CLEC16A: variants seen among roughly 807,000 people sequenced by gnomAD.
CLEC16A encodes the protein protein CLEC16A.
A neutral mutation model predicts 109.5 loss-of-function variants in CLEC16A; 51 were observed. The ratio of observed to expected loss-of-function variants is 0.47; its 90% CI spans 0.37 to 0.59. The LOEUF (loss-of-function observed/expected upper bound fraction) is 0.59. Among genes scored for constraint, CLEC16A ranks in the 20% least tolerant of loss-of-function variants. CLEC16A has a pLI of 0.00. For missense variants in CLEC16A, 1,339 were observed against 1,394.0 expected, an observed-to-expected ratio of 0.96 and a Z score of 0.63; for synonymous variants, 673 against 564.2, an observed-to-expected ratio of 1.19 and a Z score of -2.73.
At chr16:10,949,068 C>G (rs1329492856) in intron 1 of CLEC16A, among the ~76,000 whole-genome samples, 1 of 152,096 alleles carries the variant, frequency 6.6e-6, no homozygotes. Flanking sequence ...TCCACTCAAG[C>G]TAGTGGAAAA....
At chr16:10,976,266 T>A (rs767446568) in intron 7 of CLEC16A, among the ~76,000 whole-genome samples, 1 of 151,422 alleles carries the variant, frequency 6.6e-6, no homozygotes, top group Non-Finnish European at 1.5e-5. Context: ...CAAGACCCTA[T>A]CTCAAAAAAT....
intron 19 of CLEC16A, among the ~76,000 whole-genome samples, chr16:11,117,290 AG>A (rs2052067569): frequency 6.6e-6 from 1 of 152,248 alleles, no homozygotes; most frequent in African/African-American, 2.4e-5. Flanking sequence ...TACTTAAAAT[AG>A]GTGAACTTTA....
intron 19 of CLEC16A, among the ~76,000 whole-genome samples, chr16:11,067,590 A>G (rs891653764): frequency 1.8e-4 from 28 of 152,276 alleles, no homozygotes; most frequent in East Asian, 1.9e-4. Context: ...GGGCATATCA[A>G]GTGTTCAGGG....
intron 11 of CLEC16A, among the ~76,000 whole-genome samples, chr16:11,005,462 T>C (rs1312353906): frequency 6.6e-6 from 1 of 152,218 alleles, no homozygotes; most frequent in African/African-American, 2.4e-5. Context: ...CAGGGCTCAG[T>C]CACACATGGC....
At chr16:11,117,230 G>GA (rs55931734) in intron 19 of CLEC16A, among the ~76,000 whole-genome samples, 9,230 of 152,102 alleles carry the variant, frequency 0.061, 358 homozygotes, top group Non-Finnish European at 0.084. Flanking sequence ...CTCAAAAAAA[G>GA]AAAAAAATTA....
At chr16:11,099,877 C>T (rs2050812172) in intron 19 of CLEC16A, among the ~76,000 whole-genome samples, 1 of 152,150 alleles carries the variant, frequency 6.6e-6, no homozygotes, top group African/African-American at 2.4e-5. Context: ...AAAGTAGAGG[C>T]CCAGAGCCTG....
chr16:11,147,143 C>T (rs967775896), intron 22 of CLEC16A, among the ~76,000 whole-genome samples: 1 of 152,198 alleles, frequency 6.6e-6, no homozygotes, highest in South Asian at 2.1e-4. Context: ...CACAGGCTGC[C>T]CAATCCCCAA....
intron 22 of CLEC16A, chr16:11,136,000 A>G (rs1010179752): frequency 3.3e-5 from 5 of 152,326 alleles, no homozygotes; most frequent in African/African-American, 1.2e-4. Flanking sequence ...CAGGGTGTCC[A>G]TGATCAATCC....
At chr16:11,097,716 T>A (rs2050687006) in intron 19 of CLEC16A, among the ~76,000 whole-genome samples, 1 of 152,206 alleles carries the variant, frequency 6.6e-6, no homozygotes, top group Non-Finnish European at 1.5e-5. Flanking sequence ...TTGGTTTACG[T>A]CTGTTTTATG....
rs202157918 is a variant in CLEC16A at position 10,962,517 on chromosome 16, G to A, written c.272G>A (p.Arg91His). The A allele has an allele frequency of 3.1e-6, 5 of 1,613,916 alleles. No homozygotes were observed. Among genetic ancestry groups the A allele is most frequent in the African/African-American group, 1.3e-5 (1 of 75,012 alleles). ...AACATCTTGCGGCAAAAGTCGGGCC[G>A]TTACGTGTGCGTTCAGCTGCTGCAG... ...FLNILRQKSG[R>H]YVCVQLLQTL... is the part of the protein sequence containing the mutation. The change falls in exon 3 of 24, where the codon CGT becomes CAT. Residue 91 changes from arginine (R) to histidine (H), a missense_variant. By Grantham distance (29) the Arg-to-His change is conservative (BLOSUM62 0). This residue lies in a region of CLEC16A where 117 missense variants were observed against 120.2 expected (regional missense o/e 0.97). Coordinates refer to ENST00000409790, the MANE Select transcript of CLEC16A (RefSeq NM_015226.3).
chr16:11,092,819 C>G (rs1245037962), intron 19 of CLEC16A, among the ~76,000 whole-genome samples: 1 of 152,224 alleles, frequency 6.6e-6, no homozygotes, highest in Non-Finnish European at 1.5e-5. Context: ...TCGGTTTCCT[C>G]TTCTATAAAA....
chr16:10,955,211 C>T (rs552147645), intron 1 of CLEC16A, among the ~76,000 whole-genome samples: 1 of 152,324 alleles, frequency 6.6e-6, no homozygotes, highest in African/African-American at 2.4e-5. Flanking sequence ...CCGTGTCTGG[C>T]GTTTGGATCC....
At chr16:11,094,641 A>G (rs2050500502) in intron 19 of CLEC16A, among the ~76,000 whole-genome samples, 1 of 152,118 alleles carries the variant, frequency 6.6e-6, no homozygotes. Flanking sequence ...CTTTAGAAAA[A>G]TCTCTCCCTT....
Position 11,178,455 on chromosome 16 carries a change from C to G in CLEC16A, c.2927C>G (p.Thr976Arg). The G allele has an allele frequency of 6.2e-7, 1 of 1,613,574 alleles. No homozygotes were observed. Among genetic ancestry groups the G allele is most frequent in the Non-Finnish European group, 8.5e-7 (1 of 1,179,904 alleles). The change falls in exon 24 of 24, where the codon ACA (threonine) becomes AGA (arginine). Residue 976 changes from threonine to arginine, a missense_variant. Physicochemically the swap from Thr to Arg is moderately conservative, Grantham distance 71. Coordinates refer to ENST00000409790, the MANE Select transcript of CLEC16A (RefSeq NM_015226.3). This position sits in a 1 kb window ranked among gnomAD's most constrained non-coding sequence, Gnocchi z 6.5. The stretch of plus-strand genomic sequence containing the variant: ...GTGGCCAGGAGCGCAGCCGTGGAGA[C>G]AGCCAGCCTGTCCCCCAGCCTCGTC... ...KNVARSAAVETASLSPSLVPA... is the reference protein window; with the variant it reads ...KNVARSAAVERASLSPSLVPA...
rs368988923 is a variant in CLEC16A, at chr16:10,979,317, A to G, written c.904-12A>G. ...CTGATCTCTCTCTCTCTCTCCTGCC[A>G]CCCTGCACTAGGGAGGAGAACGGCC... is the stretch of plus-strand genomic sequence containing the variant. On this transcript the variant is annotated splice_polypyrimidine_tract_variant and intron_variant, in intron 8 of 23. Coordinates refer to ENST00000409790, the MANE Select transcript of CLEC16A (RefSeq NM_015226.3). 5 of 1,609,456 alleles carry G rather than the reference A, an allele frequency of 3.1e-6. No individual in the cohort carries two copies. The African/African-American group carries it at 4.0e-5, about 13-fold the overall frequency.
At chr16:11,068,937 C>A (rs2048908995) in intron 19 of CLEC16A, among the ~76,000 whole-genome samples, 1 of 152,080 alleles carries the variant, frequency 6.6e-6, no homozygotes, top group East Asian at 1.9e-4. Flanking sequence ...GTGTCAGCCT[C>A]CCGAGTAGCT....
At chr16:11,111,110 C>A (rs1405683006) in intron 19 of CLEC16A, among the ~76,000 whole-genome samples, 1 of 151,972 alleles carries the variant, frequency 6.6e-6, no homozygotes, top group Non-Finnish European at 1.5e-5. Flanking sequence ...CTTGGTGGTA[C>A]TGAAAGAATT....
At chr16:11,080,702 C>G (rs763673458) in intron 19 of CLEC16A, among the ~76,000 whole-genome samples, 3 of 152,172 alleles carry the variant, frequency 2.0e-5, no homozygotes, top group Non-Finnish European at 4.4e-5. Context: ...TTCTAAAGGT[C>G]GCCTGTGCTT....
chr16:11,026,897 A>G (rs2046436244), intron 13 of CLEC16A: 2 of 784,474 alleles, frequency 2.5e-6, no homozygotes, highest in Non-Finnish European at 4.2e-6. Flanking sequence ...ACTATGGCTA[A>G]GTGAACGCTG....
Sources: allele counts gnomAD v4.1 joint callset (sites outside exome capture counted in the v4.1 genomes callset), GRCh38; gene constraint gnomAD v4.1.1; regional missense constraint gnomAD v4.1.1; non-coding constraint Gnocchi (gnomAD v3.1); transcripts MANE v1.5; gene names NCBI Gene and HGNC (gene_info 2026-07-23, HGNC 2026-07-21).